The following MYO7B variants were observed in gnomAD, a reference collection of about 807,000 sequenced individuals.
MYO7B encodes myosin VIIB.
A neutral mutation model predicts 259.7 loss-of-function variants in MYO7B; 212 were observed. The observed-to-expected ratio is 0.82, with a 90% CI of 0.73 to 0.91. The LOEUF (loss-of-function observed/expected upper bound fraction) is 0.91, where lower values mean the gene tolerates loss of function less well. MYO7B is among the 40% of genes least tolerant of loss of function. The probability of loss-of-function intolerance (pLI) is 0.00; values close to 1 mark genes in which losing one functional copy is unlikely to be tolerated. For synonymous variants in MYO7B, 1,197 were observed against 1,166.4 expected (o/e 1.03, Z -0.54); for missense variants, 2,732 against 2,813.5 (o/e 0.97, Z 0.66).
rs535230106 is a variant in MYO7B, at chr2:127,538,119, A to T, written c.-24+2288A>T. Reference sequence around the variant, plus strand: ...AGGTAGGGGTGGGAAGGGATGCAGCAGGCTGTGAGGGGAGGATGGTGTGAG... The same window carrying T: ...AGGTAGGGGTGGGAAGGGATGCAGCTGGCTGTGAGGGGAGGATGGTGTGAG... On this transcript the variant is annotated intron_variant, in intron 1 of 47. Transcript: ENST00000409816. Among the ~76,000 whole-genome samples the T allele has an allele frequency of 1.4e-3, 218 of 152,092 alleles. 2 individuals carry two copies. Among genetic ancestry groups the T allele is most frequent in the African/African-American group, 4.7e-3 (197 of 41,506 alleles).
chr2:127,625,235 A>T (rs886681910), intron 30 of MYO7B, 133 bp from the exon 31 acceptor site: 8 of 1,043,394 alleles, frequency 7.7e-6, no homozygotes, highest in Non-Finnish European at 9.2e-6. Context: ...AGGGAGGGGG[A>T]AGGTCCTGCC....
intron 47 of MYO7B, 171 bp from the exon 48 acceptor site, chr2:127,637,145 C>A: frequency 1.1e-6 from 1 of 916,904 alleles, no homozygotes; most frequent in Non-Finnish European, 1.7e-6. Context: ...GGGAGGGAGA[C>A]CCAGCTCCAG....
chr2:127,588,525 C>T lies in MYO7B; in HGVS notation c.1824C>T (p.Arg608=). The stretch of plus-strand genomic sequence containing the variant: ...CCAAGCTGGGCCATGGGACCATCCG[C>T]CAGGCAAAGGCAGGAAACCATCTCT... The part of the protein sequence containing the change: ...AETKLGHGTI[R]QAKAGNHLFK... Residue 608 remains arginine, a synonymous_variant, in exon 15 of 48, where the codon CGC becomes CGT. Transcript: ENST00000409816. 1 of 1,613,266 alleles carries T rather than the reference C, an allele frequency of 6.2e-7. No homozygotes were observed. Among genetic ancestry groups the T allele is most frequent in the Non-Finnish European group, 8.5e-7 (1 of 1,179,860 alleles).
In MYO7B at chr2:127,539,751, T is replaced by C. The variant is rs1692930039; in HGVS notation, c.-24+3920T>C. Among the ~76,000 whole-genome samples, 2 of 152,286 alleles carry C rather than the reference T, an allele frequency of 1.3e-5. No individual in the cohort carries two copies. The highest frequency in any genetic ancestry group is 6.5e-5 in the Admixed American group (1 of 15,294). ...GTTACATGGATAAGTTCTTCAGTGG[T>C]GATTTGTGAGATTTTTTTGCACCTA... On this transcript the variant is annotated intron_variant, in intron 1 of 47. Transcript: ENST00000409816. The surrounding 1 kb of genome is among the most constrained non-coding windows in gnomAD (Gnocchi z 4.0).
At chr2:127,617,966 C>G (rs1381834407) in intron 26 of MYO7B, among the ~76,000 whole-genome samples, 1 of 151,294 alleles carries the variant, frequency 6.6e-6, no homozygotes, top group Non-Finnish European at 1.5e-5. Context: ...CTTTGCTAGT[C>G]CTTGCTAGTC....
At position 127,577,686 on chromosome 2, in the gene MYO7B, G is replaced by C. The variant is rs532828073; in HGVS notation, c.850-447G>C. On this transcript the variant is annotated intron_variant, in intron 8 of 47. Transcript: ENST00000409816. This position sits in a 1 kb window ranked among gnomAD's most constrained non-coding sequence, Gnocchi z 5.2. ...AGAAGCCTTTCTCCACCTCTCGATAGGGCTGGCCCCGGCCCCTGTGGTCTG... is the reference window on the plus strand; with the variant it reads ...AGAAGCCTTTCTCCACCTCTCGATACGGCTGGCCCCGGCCCCTGTGGTCTG... Among the ~76,000 whole-genome samples the C allele has an allele frequency of 6.6e-6, 1 of 152,308 alleles. No individual in the cohort carries two copies. Among genetic ancestry groups the C allele is most frequent in the African/African-American group, 2.4e-5 (1 of 41,572 alleles).
Position 127,630,839 on chromosome 2 carries a change from A to G in MYO7B, c.4868A>G (p.Glu1623Gly). Residue 1623 changes from glutamate (E) to glycine (G), a missense_variant, in exon 36 of 48, where the codon GAG becomes GGG. Coordinates refer to ENST00000409816, the MANE Select transcript of MYO7B (RefSeq NM_001393586.1). Reference sequence around the variant, plus strand: ...GCGGCTCAGGAGGGGCAGTTCACAGAGCCACGTCCTGAGGAGCCACCCAAG... The same window carrying G: ...GCGGCTCAGGAGGGGCAGTTCACAGGGCCACGTCCTGAGGAGCCACCCAAG... Reference protein sequence around the residue: ...KLAAQEGQFTEPRPEEPPKEK... With the variant: ...KLAAQEGQFTGPRPEEPPKEK... The G allele has an allele frequency of 6.2e-7, 1 of 1,612,832 alleles. No individual in the cohort carries two copies. Among genetic ancestry groups the G allele is most frequent in the Non-Finnish European group, 8.5e-7 (1 of 1,179,662 alleles).
rs928292098 is a variant in MYO7B at position 127,539,735 on chromosome 2, A to T, written c.-24+3904A>T. ...GTACAGGTGTTTTTTGGTTACATGG[A>T]TAAGTTCTTCAGTGGTGATTTGTGA... On this transcript the variant is annotated intron_variant, in intron 1 of 47. Coordinates refer to ENST00000409816, the MANE Select transcript of MYO7B (RefSeq NM_001393586.1). This position sits in a 1 kb window ranked among gnomAD's most constrained non-coding sequence, Gnocchi z 4.0. 6.6e-6 allele frequency among the ~76,000 whole-genome samples: 1 copy of T among 151,936 alleles called. No homozygotes were observed. Among genetic ancestry groups the T allele is most frequent in the Non-Finnish European group, 1.5e-5 (1 of 67,978 alleles).
At chr2:127,553,879 A>G (rs964767417) in intron 1 of MYO7B, among the ~76,000 whole-genome samples, 6 of 152,080 alleles carry the variant, frequency 3.9e-5, no homozygotes, top group Admixed American at 1.3e-4. Flanking sequence ...AATCAGTATT[A>G]TGTTGGCTGT....
chr2:127,632,073 C>A (rs1681544049), intron 38 of MYO7B, among the ~76,000 whole-genome samples, 173 bp from the exon 39 acceptor site: 1 of 152,246 alleles, frequency 6.6e-6, no homozygotes, highest in Non-Finnish European at 1.5e-5. Flanking sequence ...GGTGTGAAAG[C>A]CCGTGGCATC....
intron 1 of MYO7B, among the ~76,000 whole-genome samples, chr2:127,537,801 T>C (rs1275121189): frequency 6.6e-6 from 1 of 152,158 alleles, no homozygotes; most frequent in African/African-American, 2.4e-5. Context: ...TGGGTTTCTC[T>C]GGGGTTTTTC....
rs1236776707 is a variant in MYO7B at position 127,634,337 on chromosome 2, C to T, written c.5625+48C>T. 1.8e-5 allele frequency: 25 copies of T among 1,401,246 alleles called. No homozygotes were observed. In the South Asian group the frequency reaches 2.9e-4, roughly 16 times the overall value. 86.8% of individuals were successfully genotyped at this position (1,401,246 alleles called of 1,614,324 possible). A position where few individuals can be genotyped will look rare whatever the true frequency, so the allele number is the denominator to read the frequency against. The stretch of plus-strand genomic sequence containing the variant: ...AGACGGTGGGCGGACGGGCAGTGAG[C>T]GAGGCCCTAGGTGCTGCCTGTGGGG... On this transcript the variant is annotated intron_variant, in intron 41 of 47. Coordinates refer to ENST00000409816, the MANE Select transcript of MYO7B (RefSeq NM_001393586.1).
chr2:127,616,125 G>A (rs13386395), intron 26 of MYO7B, among the ~76,000 whole-genome samples: 24,549 of 152,202 alleles, frequency 0.16, 2,047 homozygotes, highest in Middle Eastern at 0.25. Flanking sequence ...GTTAATTACC[G>A]CGGGGTAAAA....
rs1159670202 is a variant in MYO7B, at chr2:127,627,819, C to T, written c.4460+509C>T. On this transcript the variant is annotated intron_variant, in intron 33 of 47. Transcript: ENST00000409816. This position sits in a 1 kb window ranked among gnomAD's most constrained non-coding sequence, Gnocchi z 5.6. ...TCCATGCCCTTTGGGAAGTCCCACCCAAGCCCTGCCAGAGCGCCCCTTGGT... is the reference window on the plus strand; with the variant it reads ...TCCATGCCCTTTGGGAAGTCCCACCTAAGCCCTGCCAGAGCGCCCCTTGGT... 2 of 457,846 alleles carry T rather than the reference C, an allele frequency of 4.4e-6. No homozygotes were observed. The highest frequency in any genetic ancestry group is 8.8e-6 in the Non-Finnish European group (2 of 227,806). The allele number at this position is 457,846 out of a possible 1,614,324, so 28.4% of individuals were successfully genotyped here. A position where few individuals can be genotyped will look rare whatever the true frequency, so the allele number is the denominator to read the frequency against.
chr2:127,633,286 C>G lies in MYO7B; in HGVS notation c.5434C>G (p.Gln1812Glu), dbSNP rs967189320. 6 of 1,612,348 alleles carry G rather than the reference C, an allele frequency of 3.7e-6. No individual in the cohort carries two copies. Among genetic ancestry groups the G allele is most frequent in the Non-Finnish European group, 5.1e-6 (6 of 1,179,708 alleles). ...RTGPRKQPPH[Q>E]VEVEAAEQNV... Reference sequence around the variant, plus strand: ...GGGGCCCCGGAAGCAGCCCCCGCACCAGGTGGAGGTGGAGGCCGCAGAGCA... The same window carrying G: ...GGGGCCCCGGAAGCAGCCCCCGCACGAGGTGGAGGTGGAGGCCGCAGAGCA... Residue 1812 changes from glutamine (Q) to glutamate (E), a missense_variant, in exon 40 of 48, where the codon CAG becomes GAG. Gln to Glu is a conservative substitution (Grantham distance 29). Around this residue, in one of 3 missense-constraint regions of MYO7B, gnomAD observed 821 missense variants for 769.3 expected, o/e 1.07. Coordinates refer to ENST00000409816, the MANE Select transcript of MYO7B (RefSeq NM_001393586.1).
chr2:127,578,412 A>G (rs1678966543), intron 9 of MYO7B, 126 bp downstream of exon 9: 3 of 1,233,300 alleles, frequency 2.4e-6, no homozygotes, highest in Admixed American at 5.3e-5. Context: ...GGAAAAATAT[A>G]TCTAAAAAAT....
At chr2:127,595,892 T>C (rs900545754) in intron 18 of MYO7B, among the ~76,000 whole-genome samples, 2 of 152,220 alleles carry the variant, frequency 1.3e-5, no homozygotes, top group African/African-American at 4.8e-5. Context: ...AATTATGTGA[T>C]CAATTTTAGA....
At chr2:127,562,485 T>TTTG (rs1678141166) in intron 2 of MYO7B, among the ~76,000 whole-genome samples, 1 of 123,738 alleles carries the variant, frequency 8.1e-6, no homozygotes, top group Non-Finnish European at 1.7e-5. Context: ...TTTTATTGTT[T>TTTG]TTTTTTTTTT....
chr2:127,633,176 G>A (rs1681612749), intron 39 of MYO7B, 82 bp from the exon 40 acceptor site: 6 of 1,084,074 alleles, frequency 5.5e-6, no homozygotes, highest in Non-Finnish European at 6.8e-6. Flanking sequence ...TCTGGCACAT[G>A]GTTTAGGGCC....
Sources: gnomAD v4.1 joint callset for allele counts (sites outside exome capture counted in the v4.1 genomes callset) on GRCh38, gnomAD v4.1.1 for gene constraint, gnomAD v4.1.1 regional missense constraint, Gnocchi (gnomAD v3.1) non-coding constraint, MANE v1.5 for transcripts, NCBI Gene and HGNC (gene_info 2026-07-23, HGNC 2026-07-21) for gene names.